LPIN1: variants seen among roughly 807,000 people sequenced by gnomAD.
The protein encoded by LPIN1 is phosphatidate phosphatase LPIN1.
Under a neutral mutation model 107.5 loss-of-function variants are expected in LPIN1, and 71 were observed. The ratio of observed to expected loss-of-function variants is 0.66; its 90% CI spans 0.55 to 0.80. LPIN1 has a LOEUF of 0.80. LPIN1 is among the 30% of genes least tolerant of loss of function. The pLI, the probability that LPIN1 is intolerant of heterozygous loss-of-function variation, is 0.00. For missense variants in LPIN1, 1,043 were observed against 1,160.6 expected, an observed-to-expected ratio of 0.90 and a Z score of 1.47; for synonymous variants, 445 against 452.6, an observed-to-expected ratio of 0.98 and a Z score of 0.21.
intron 1 of LPIN1, among the ~76,000 whole-genome samples, chr2:11,760,212 A>G (rs1669559724): frequency 6.8e-6 from 1 of 148,090 alleles, no homozygotes; most frequent in South Asian, 2.2e-4. Context: ...GCAGCCGGGC[A>G]GAGGGGCTCC....
intron 20 of LPIN1, among the ~76,000 whole-genome samples, chr2:11,821,187 C>T (rs754371597): frequency 5.9e-5 from 9 of 152,198 alleles, no homozygotes; most frequent in Non-Finnish European, 7.3e-5. Context: ...TCAGAGACTA[C>T]ACCTCTTCTG....
intron 1 of LPIN1, among the ~76,000 whole-genome samples, chr2:11,761,040 A>G (rs1054836255): frequency 2.0e-5 from 3 of 152,198 alleles, no homozygotes; most frequent in Non-Finnish European, 4.4e-5. Flanking sequence ...TCTTCATTGC[A>G]CTTTGGCTGT....
intron 1 of LPIN1, among the ~76,000 whole-genome samples, chr2:11,750,972 T>C (rs527348899): frequency 5.3e-5 from 8 of 152,304 alleles, no homozygotes; most frequent in African/African-American, 1.9e-4. Flanking sequence ...GAATGTGCCA[T>C]TGGGTCTTTG....
At chr2:11,787,259 A>G (rs1674753394) in intron 11 of LPIN1, 92 bp downstream of exon 11, 1 of 901,844 alleles carries the variant, frequency 1.1e-6, no homozygotes, top group African/African-American at 1.6e-5. Context: ...CCTTAGAAAT[A>G]TATAAAATAA....
intron 1 of LPIN1, among the ~76,000 whole-genome samples, chr2:11,687,845 C>T (rs542235465): frequency 3.9e-5 from 6 of 152,346 alleles, no homozygotes; most frequent in African/African-American, 1.4e-4. Context: ...TTAAATGAGG[C>T]CATGGCAGGG....
intron 2 of LPIN1, among the ~76,000 whole-genome samples, chr2:11,716,430 C>T (rs1052419419): frequency 2.0e-5 from 3 of 152,112 alleles, no homozygotes; most frequent in Non-Finnish European, 4.4e-5. Context: ...CACTCTCTCT[C>T]TCCCAGTCTC....
At chr2:11,744,238 G>C (rs894169448), upstream of LPIN1, among the ~76,000 whole-genome samples, 11 of 152,218 alleles carry the variant, frequency 7.2e-5, no homozygotes, top group Admixed American at 2.6e-4. Context: ...ATTGGCCAGG[G>C]GGATCGCCTC....
At chr2:11,745,727 A>C (rs2148564116), upstream of LPIN1, among the ~76,000 whole-genome samples, 1 of 152,292 alleles carries the variant, frequency 6.6e-6, no homozygotes, top group South Asian at 2.1e-4. Flanking sequence ...ATTGGTTTGG[A>C]ATAACATTTA....
chr2:11,719,455 G>A (rs1663972672), upstream of LPIN1, among the ~76,000 whole-genome samples: 1 of 152,190 alleles, frequency 6.6e-6, no homozygotes, highest in Non-Finnish European at 1.5e-5. Flanking sequence ...CCCTTTGCAG[G>A]AAGTCCAGGG....
intron 13 of LPIN1, 111 bp from the exon 14 acceptor site, chr2:11,795,297 A>G (rs773210002): frequency 1.3e-5 from 11 of 865,010 alleles, no homozygotes; most frequent in Admixed American, 5.5e-5. Flanking sequence ...TCATTGGGGA[A>G]TGGTCTATCT....
In LPIN1 at chr2:11,795,298, T is replaced by C; in HGVS notation, c.1807-110T>C. ...CGCTAGGGTGGGCGTCATTGGGGAA[T>C]GGTCTATCTTTAGGGGTCCTGCCTT... is the stretch of plus-strand genomic sequence containing the variant. On this transcript the variant is annotated intron_variant, in intron 13 of 20. Transcript: ENST00000674199. 4 of 870,376 alleles carry C rather than the reference T, an allele frequency of 4.6e-6. No homozygotes were observed. In the South Asian group the frequency reaches 5.5e-5, roughly 12 times the overall value. 53.9% of individuals were successfully genotyped at this position (870,376 alleles called of 1,614,324 possible).
At chr2:11,804,368 A>G (rs530204861) in intron 15 of LPIN1, 55 bp from the exon 16 acceptor site, 192 of 1,604,160 alleles carry the variant, frequency 1.2e-4, no homozygotes, top group Non-Finnish European at 1.5e-4. Context: ...CCAAATGCCC[A>G]TCAATCAGGG....
At chr2:11,779,436 C>T (rs1297030384) in intron 6 of LPIN1, 83 bp from the exon 7 acceptor site, 5 of 1,440,276 alleles carry the variant, frequency 3.5e-6, no homozygotes, top group Non-Finnish European at 3.9e-6. Context: ...ATTTTCTGGG[C>T]TATTTGAGCC....
chr2:11,773,647 C>T lies in LPIN1; in HGVS notation c.624C>T (p.Phe208=). 1 of 1,611,012 alleles carries T rather than the reference C, an allele frequency of 6.2e-7. No individual in the cohort carries two copies. The highest frequency in any genetic ancestry group is 8.5e-7 in the Non-Finnish European group (1 of 1,177,522). Residue 208 remains phenylalanine (F), a synonymous_variant, in exon 5 of 21, where the codon TTC becomes TTT. Coordinates refer to ENST00000674199, the MANE Select transcript of LPIN1 (RefSeq NM_001349206.2). The part of the protein sequence containing the change: ...SRTLPNDIPP[F]QDDIPEENLS... ...CTCTTCCTAATGATATACCTCCATT[C>T]CAAGATGATATTCCTGAGGAAAACC...
chr2:11,678,008 C>A (rs1047377654), intron 1 of LPIN1, among the ~76,000 whole-genome samples: 2 of 152,234 alleles, frequency 1.3e-5, no homozygotes, highest in Non-Finnish European at 2.9e-5. Context: ...ATAGTGATTG[C>A]TTAATCTTCA....
chr2:11,699,953 A>G, intron 1 of LPIN1, among the ~76,000 whole-genome samples: 1 of 151,902 alleles, frequency 6.6e-6, no homozygotes, highest in South Asian at 2.1e-4. Context: ...AAAAAATGGG[A>G]TGTAATACCC....
intron 18 of LPIN1, chr2:11,816,916 C>T (rs989731165): frequency 2.7e-5 from 4 of 148,754 alleles, no homozygotes; most frequent in Non-Finnish European, 4.5e-5. Context: ...CCCTCCCCTT[C>T]CCCCCCAACC....
Position 11,697,923 on chromosome 2 carries a change from C to T in LPIN1, c.82-15833C>T, listed in dbSNP as rs983783608. Among the ~76,000 whole-genome samples, 2 of 152,140 alleles carry T rather than the reference C, an allele frequency of 1.3e-5. No individual in the cohort carries two copies. Among genetic ancestry groups the T allele is most frequent in the African/African-American group, 2.4e-5 (1 of 41,428 alleles). On this transcript the variant is annotated intron_variant, in intron 1 of 21. Coordinates refer to the LPIN1 transcript ENST00000449576. The surrounding 1 kb of genome is among the most constrained non-coding windows in gnomAD (Gnocchi z 4.6). ...CCTCAGTCACAAGCCAGACTAGTCA[C>T]GCACCCCCGGCTGTGGGTGGCTTCC...
chr2:11,680,634 G>A (rs1661663588), intron 1 of LPIN1, among the ~76,000 whole-genome samples: 1 of 152,206 alleles, frequency 6.6e-6, no homozygotes, highest in Non-Finnish European at 1.5e-5. Context: ...CAGAGCTGAC[G>A]GGGGTGGAGC....
Sources: gnomAD v4.1 joint callset for allele counts (sites outside exome capture counted in the v4.1 genomes callset) on GRCh38, gnomAD v4.1.1 for gene constraint, Gnocchi (gnomAD v3.1) non-coding constraint, MANE v1.5 for transcripts, NCBI Gene and HGNC (gene_info 2026-07-23, HGNC 2026-07-21) for gene names.